ZNF385B: variants seen among roughly 807,000 people sequenced by gnomAD.
ZNF385B encodes the protein zinc finger protein 385B.
In ZNF385B, 23 loss-of-function variants were observed where a neutral mutation model predicts 39.2. The observed-to-expected ratio is 0.59, with a 90% CI of 0.42 to 0.83. ZNF385B has a LOEUF of 0.83. ZNF385B is among the 40% of genes least tolerant of loss of function. The probability of loss-of-function intolerance (pLI) is 0.00; values close to 1 mark genes in which losing one functional copy is unlikely to be tolerated. For synonymous variants in ZNF385B, 205 were observed against 222.6 expected (o/e 0.92, Z 0.70); for missense variants, 552 against 598.9 (o/e 0.92, Z 0.82).
chr2:179,741,636 C>G (rs1341251389), intron 3 of ZNF385B, among the ~76,000 whole-genome samples: 1 of 151,824 alleles, frequency 6.6e-6, no homozygotes, highest in African/African-American at 2.4e-5. Context: ...AGCATGTGCA[C>G]AATTAATATT....
chr2:179,564,586 A>T (rs184297689), intron 3 of ZNF385B, among the ~76,000 whole-genome samples: 23 of 152,304 alleles, frequency 1.5e-4, no homozygotes, highest in Middle Eastern at 6.8e-3. Context: ...CTTTTAGAGT[A>T]GCCTACCCTT....
At chr2:179,488,237 C>T (rs1225868133) in intron 5 of ZNF385B, among the ~76,000 whole-genome samples, 1 of 152,108 alleles carries the variant, frequency 6.6e-6, no homozygotes, top group Non-Finnish European at 1.5e-5. Context: ...CTCCACCTCC[C>T]GGGTTCAAGT....
At chr2:179,619,048 A>AG (rs1262352304) in intron 3 of ZNF385B, among the ~76,000 whole-genome samples, 5 of 152,232 alleles carry the variant, frequency 3.3e-5, no homozygotes, top group Non-Finnish European at 7.3e-5. Flanking sequence ...ATTTAAAAAA[A>AG]AGAATTAAAT....
rs1466474 is a variant in ZNF385B at position 179,852,519 on chromosome 2, T to G, written c.-155+8582A>C. ...GTAGGGTTAGGTTTGGGCCCTGGAA[T>G]CCATATACCATGAGTGAGCTCACAT... On this transcript the variant is annotated intron_variant, in intron 1 of 9. Coordinates refer to ENST00000410066, the MANE Select transcript of ZNF385B (RefSeq NM_152520.6). Among the ~76,000 whole-genome samples the G allele has an allele frequency of 5.7e-3, 874 of 152,272 alleles. 11 individuals carry two copies. Among genetic ancestry groups the G allele is most frequent in the African/African-American group, 0.02 (811 of 41,542 alleles).
At chr2:179,840,984 A>G (rs1318591940) in intron 1 of ZNF385B, among the ~76,000 whole-genome samples, 1 of 152,226 alleles carries the variant, frequency 6.6e-6, no homozygotes, top group Non-Finnish European at 1.5e-5. Context: ...CCCTCTTTTC[A>G]TAGAAAGCCT....
At chr2:179,587,990 C>T (rs113932831) in intron 3 of ZNF385B, among the ~76,000 whole-genome samples, 350 of 152,288 alleles carry the variant, frequency 2.3e-3, no homozygotes, top group African/African-American at 6.9e-3. Context: ...AATACAAAGA[C>T]CTGACATACT....
At chr2:179,709,703 T>A (rs182360075) in intron 3 of ZNF385B, among the ~76,000 whole-genome samples, 36 of 152,326 alleles carry the variant, frequency 2.4e-4, no homozygotes, top group Admixed American at 2.2e-3. Context: ...TGTCTGACAG[T>A]AATGTTCTAC....
intron 3 of ZNF385B, among the ~76,000 whole-genome samples, chr2:179,598,748 C>T (rs1688190414): frequency 1.3e-5 from 2 of 152,110 alleles, no homozygotes; most frequent in African/African-American, 4.8e-5. Flanking sequence ...TTTGCCTGCA[C>T]AAGAACTTTT....
Position 179,446,695 on chromosome 2 carries a change from G to A in ZNF385B, c.791C>T (p.Ser264Phe), listed in dbSNP as rs763544764. ...TCCAGGTGGCAGGGGTGTTGTGCCA[G>A]ATTTGAGGAGAAATGAGCCACTTTC... Reference protein sequence around the residue: ...SSESGSFLLKSGTTPLPPGAA... With the variant: ...SSESGSFLLKFGTTPLPPGAA... Residue 264 changes from serine (S) to phenylalanine (F), a missense_variant, in exon 7 of 10, where the codon TCT (serine) becomes TTT (phenylalanine). By Grantham distance (155) the Ser-to-Phe change is radical (BLOSUM62 -2). Transcript: ENST00000410066. 2.5e-6 allele frequency: 4 copies of A among 1,614,124 alleles called. No homozygotes were observed. Among genetic ancestry groups the A allele is most frequent in the South Asian group, 1.1e-5 (1 of 91,074 alleles).
chr2:179,527,985 G>T (rs76751450), intron 4 of ZNF385B, among the ~76,000 whole-genome samples: 2 of 94,634 alleles, frequency 2.1e-5, no homozygotes, highest in African/African-American at 1.1e-4. Flanking sequence ...TATTTTACCA[G>T]GAAAATTTTT....
At chr2:179,515,536 T>A (rs1248131747) in intron 5 of ZNF385B, among the ~76,000 whole-genome samples, 1 of 152,196 alleles carries the variant, frequency 6.6e-6, no homozygotes, top group Non-Finnish European at 1.5e-5. Flanking sequence ...AGACTTTAAT[T>A]TCTCCGTATA....
At chr2:179,825,811 A>G (rs1239706683) in intron 1 of ZNF385B, among the ~76,000 whole-genome samples, 1 of 152,110 alleles carries the variant, frequency 6.6e-6, no homozygotes, top group Non-Finnish European at 1.5e-5. Flanking sequence ...GGAGTAAAAT[A>G]CCACTGATGA....
intron 3 of ZNF385B, among the ~76,000 whole-genome samples, chr2:179,644,068 T>C (rs1295490420): frequency 1.3e-5 from 2 of 151,908 alleles, no homozygotes; most frequent in African/African-American, 4.8e-5. Context: ...GATACTAAAG[T>C]TTAACCATAT....
intron 1 of ZNF385B, among the ~76,000 whole-genome samples, chr2:179,809,889 A>G (rs528839960): frequency 2.6e-5 from 4 of 152,182 alleles, no homozygotes; most frequent in African/African-American, 9.6e-5. Flanking sequence ...ACAAATATGT[A>G]AGCATGTTCT....
chr2:179,683,723 G>T (rs572418515), intron 3 of ZNF385B, among the ~76,000 whole-genome samples: 26 of 152,190 alleles, frequency 1.7e-4, no homozygotes, highest in Admixed American at 4.6e-4. Flanking sequence ...TGATCCACCC[G>T]CCTCGGCCTC....
chr2:179,812,475 A>C (rs78094485), intron 1 of ZNF385B, among the ~76,000 whole-genome samples: 1,973 of 152,310 alleles, frequency 0.013, 47 homozygotes, highest in African/African-American at 0.044. Flanking sequence ...AAAGGAATGA[A>C]ATAATGTGTT....
chr2:179,589,425 A>G (rs894913004), intron 3 of ZNF385B, among the ~76,000 whole-genome samples: 7 of 152,138 alleles, frequency 4.6e-5, no homozygotes, highest in Non-Finnish European at 8.8e-5. Context: ...AAAGAAGAAC[A>G]CCAAAGAGGA....
At chr2:179,740,199 T>G (rs986785143) in intron 3 of ZNF385B, among the ~76,000 whole-genome samples, 1 of 152,180 alleles carries the variant, frequency 6.6e-6, no homozygotes, top group Non-Finnish European at 1.5e-5. Context: ...AGTCATTTCT[T>G]CCATTGTCTG....
intron 3 of ZNF385B, among the ~76,000 whole-genome samples, chr2:179,714,098 A>G (rs1405282727): frequency 6.6e-6 from 1 of 152,238 alleles, no homozygotes; most frequent in African/African-American, 2.4e-5. Flanking sequence ...AGCCATGCCC[A>G]GTCAGACAAA....
Sources: allele counts gnomAD v4.1 joint callset (sites outside exome capture counted in the v4.1 genomes callset), GRCh38; gene constraint gnomAD v4.1.1; transcripts MANE v1.5; gene names NCBI Gene and HGNC (gene_info 2026-07-23, HGNC 2026-07-21).